Variants in MCUB observed in about 807,000 individuals in gnomAD.
MCUB encodes the protein mitochondrial calcium uniporter dominant negative subunit beta.
Under a neutral mutation model 41.4 loss-of-function variants are expected in MCUB, and 46 were observed. That is an observed-to-expected ratio of 1.11 (90% CI 0.88 to 1.42). The LOEUF (loss-of-function observed/expected upper bound fraction) is 1.42, where lower values mean the gene tolerates loss of function less well. Among genes scored for constraint, MCUB ranks in the 40% most tolerant of loss-of-function variants. The pLI is 0.00. For synonymous variants in MCUB, 148 were observed against 148.2 expected, an observed-to-expected ratio of 1.00 and a Z score of 0.01; for missense variants, 403 against 404.9, an observed-to-expected ratio of 1.00 and a Z score of 0.04.
chr4:109,619,235 C>T (rs1728201471), intron 1 of MCUB, among the ~76,000 whole-genome samples: 1 of 152,076 alleles, frequency 6.6e-6, no homozygotes, highest in Non-Finnish European at 1.5e-5. Context: ...GCCACCATAC[C>T]CAGCTAATTT....
At position 109,567,912 on chromosome 4, in the gene MCUB, T is replaced by TG. The variant is rs1229669444; in HGVS notation, c.99+7478dup. ...CAGGGTTTCACTATATTGGTCAGGC[T>TG]GGTCTTGAACTGCTGACCTCAGGTG... On this transcript the variant is annotated intron_variant, in intron 1 of 7. Transcript: ENST00000394650. Among the ~76,000 whole-genome samples, 14 of 152,228 alleles carry TG rather than the reference T, an allele frequency of 9.2e-5. No individual in the cohort carries two copies. The East Asian group carries it at 1.2e-3, about 13-fold the overall frequency.
chr4:109,616,266 G>C (rs565067449), intron 1 of MCUB, among the ~76,000 whole-genome samples: 1 of 142,126 alleles, frequency 7.0e-6, no homozygotes. Context: ...TCCTGCTGGA[G>C]AATTCTGCAT....
intron 4 of MCUB, 58 bp from the exon 5 acceptor site, chr4:109,682,524 T>G (rs1451676046): frequency 3.6e-5 from 52 of 1,429,068 alleles, no homozygotes; most frequent in Non-Finnish European, 3.4e-5. Context: ...CCGAAAGATT[T>G]ACACACCCTG....
intron 3 of MCUB, 56 bp from the exon 4 acceptor site, chr4:109,664,234 A>G (rs547810348): frequency 3.5e-6 from 3 of 850,070 alleles, no homozygotes; most frequent in East Asian, 2.4e-5. Context: ...GTGTTGGAAA[A>G]TGGTTCTTAC....
chr4:109,670,687 G>T (rs908584017), intron 4 of MCUB, among the ~76,000 whole-genome samples: 2 of 151,418 alleles, frequency 1.3e-5, no homozygotes, highest in African/African-American at 4.9e-5. Flanking sequence ...TTGCACTCCA[G>T]CCTGGGCAAC....
chr4:109,647,632 A>T (rs1277843885), intron 1 of MCUB, among the ~76,000 whole-genome samples: 13 of 152,264 alleles, frequency 8.5e-5, no homozygotes, highest in Admixed American at 8.5e-4. Flanking sequence ...ATTATAAACA[A>T]AGCCATTATA....
At chr4:109,631,585 G>A (rs1171006058) in intron 1 of MCUB, among the ~76,000 whole-genome samples, 1 of 152,202 alleles carries the variant, frequency 6.6e-6, no homozygotes, top group Non-Finnish European at 1.5e-5. Flanking sequence ...AAAAGAGGAA[G>A]TATAGTTTCA....
intron 1 of MCUB, among the ~76,000 whole-genome samples, chr4:109,566,337 G>T (rs1299625132): frequency 6.6e-6 from 1 of 151,546 alleles, no homozygotes; most frequent in Non-Finnish European, 1.5e-5. Context: ...GGGCTTGGTG[G>T]CGGGCGCCTG....
At chr4:109,640,005 C>G (rs942758369) in intron 1 of MCUB, among the ~76,000 whole-genome samples, 2 of 152,180 alleles carry the variant, frequency 1.3e-5, no homozygotes, top group African/African-American at 4.8e-5. Context: ...TTTATTTCAC[C>G]TGGGTGCAGG....
intron 1 of MCUB, among the ~76,000 whole-genome samples, chr4:109,564,060 C>T (rs1000588996): frequency 4.6e-5 from 7 of 152,148 alleles, no homozygotes; most frequent in Non-Finnish European, 1.0e-4. Flanking sequence ...GTGAACCTGT[C>T]AGTTTCTTGA....
chr4:109,588,596 C>T lies in MCUB; in HGVS notation c.99+28160C>T, dbSNP rs530988353. On this transcript the variant is annotated intron_variant, in intron 1 of 7. Coordinates refer to ENST00000394650, the MANE Select transcript of MCUB (RefSeq NM_017918.5). ...TTTTGTTTTGCTGCCACTCTCACCC[C>T]CACCAAATTGAAGATTCCATCTGCT... 5.3e-5 allele frequency among the ~76,000 whole-genome samples: 8 copies of T among 152,236 alleles called. No individual in the cohort carries two copies. The South Asian group carries it at 1.2e-3, about 24-fold the overall frequency.
chr4:109,672,478 A>G (rs1474748460), intron 4 of MCUB, among the ~76,000 whole-genome samples: 2 of 152,214 alleles, frequency 1.3e-5, no homozygotes, highest in East Asian at 3.8e-4. Flanking sequence ...TTGGCTCCTG[A>G]GGCTTCTTCT....
intron 1 of MCUB, among the ~76,000 whole-genome samples, chr4:109,597,363 T>C (rs1727585221): frequency 6.8e-6 from 1 of 147,172 alleles, no homozygotes; most frequent in Non-Finnish European, 1.5e-5. Context: ...GGCGGGGGGC[T>C]GACCCCCCCA....
intron 1 of MCUB, among the ~76,000 whole-genome samples, chr4:109,569,723 G>A (rs1319531100): frequency 6.6e-6 from 1 of 151,430 alleles, no homozygotes; most frequent in Admixed American, 6.6e-5. Context: ...GGCTGGTCTC[G>A]AACCCCTGAC....
chr4:109,593,122 C>G (rs28461420), intron 1 of MCUB, among the ~76,000 whole-genome samples: 4 of 152,090 alleles, frequency 2.6e-5, no homozygotes, highest in African/African-American at 9.7e-5. Flanking sequence ...AATATAAATG[C>G]GTGCATCTTT....
At chr4:109,651,243 G>A (rs1329173674) in intron 1 of MCUB, among the ~76,000 whole-genome samples, 1 of 152,136 alleles carries the variant, frequency 6.6e-6, no homozygotes, top group African/African-American at 2.4e-5. Flanking sequence ...GCTAAAAATT[G>A]TTCCAGATTT....
intron 1 of MCUB, among the ~76,000 whole-genome samples, chr4:109,635,651 G>A (rs1233596801): frequency 1.3e-5 from 2 of 152,042 alleles, no homozygotes; most frequent in East Asian, 1.9e-4. Flanking sequence ...CTTCTCTTTC[G>A]GCTTTGGAGC....
intron 1 of MCUB, among the ~76,000 whole-genome samples, chr4:109,600,574 A>C (rs1300015131): frequency 6.6e-6 from 1 of 152,180 alleles, no homozygotes; most frequent in Non-Finnish European, 1.5e-5. Flanking sequence ...ACTGACCTAA[A>C]TGGGGTTAGC....
intron 1 of MCUB, among the ~76,000 whole-genome samples, chr4:109,643,879 C>T (rs1728773463): frequency 6.6e-6 from 1 of 152,186 alleles, no homozygotes; most frequent in African/African-American, 2.4e-5. Flanking sequence ...GAAACAAATA[C>T]AAACACTAAA....
Sources: allele counts gnomAD v4.1 joint callset (sites outside exome capture counted in the v4.1 genomes callset), GRCh38; gene constraint gnomAD v4.1.1; transcripts MANE v1.5; gene names NCBI Gene and HGNC (gene_info 2026-07-23, HGNC 2026-07-21).